The following NAV3 variants were observed in gnomAD, a reference collection of about 807,000 sequenced individuals.
NAV3 encodes the protein pore membrane and/or filament interacting like protein 1.
NAV3 carries 87 observed loss-of-function variants against 244.7 expected under a neutral mutation model. The ratio of observed to expected loss-of-function variants is 0.36; its 90% CI spans 0.30 to 0.42. The LOEUF (loss-of-function observed/expected upper bound fraction) is 0.42. NAV3 is among the 20% of genes least tolerant of loss of function. The probability of loss-of-function intolerance (pLI) is 1.00; values close to 1 mark genes in which losing one functional copy is unlikely to be tolerated. For synonymous variants in NAV3, 1,126 were observed against 1,042.2 expected (o/e 1.08, Z -1.55); for missense variants, 2,663 against 2,893.3 (o/e 0.92, Z 1.83).
intron 1 of NAV3, among the ~76,000 whole-genome samples, chr12:77,914,730 A>G (rs1423731339): frequency 6.6e-6 from 1 of 152,004 alleles, no homozygotes; most frequent in Non-Finnish European, 1.5e-5. Context: ...AATAGCTTGT[A>G]AAAATCAATT....
intron 1 of NAV3, among the ~76,000 whole-genome samples, chr12:77,840,312 C>T (rs562087420): frequency 1.3e-5 from 2 of 152,032 alleles, no homozygotes; most frequent in Non-Finnish European, 2.9e-5. Flanking sequence ...TTACTCTGTA[C>T]AGAATGGAAG....
At chr12:77,771,466 C>T (rs1192912338) in intron 2 of NAV3, among the ~76,000 whole-genome samples, 2 of 152,108 alleles carry the variant, frequency 1.3e-5, no homozygotes, top group Non-Finnish European at 2.9e-5. Context: ...CATGCACATG[C>T]ATGTTTATTG....
intron 1 of NAV3, among the ~76,000 whole-genome samples, chr12:77,877,006 CA>C (rs1202323986): frequency 1.3e-5 from 2 of 152,016 alleles, no homozygotes; most frequent in Non-Finnish European, 2.9e-5. Flanking sequence ...AATCATACCA[CA>C]AAACATTGTA....
At chr12:77,717,537 T>C (rs927594182) in intron 2 of NAV3, among the ~76,000 whole-genome samples, 4 of 152,140 alleles carry the variant, frequency 2.6e-5, no homozygotes, top group African/African-American at 9.6e-5. Context: ...TGGACATTTA[T>C]GTTGTTTACA....
At chr12:77,755,568 C>CTTTCT (rs1869104519) in intron 2 of NAV3, among the ~76,000 whole-genome samples, 1 of 49,292 alleles carries the variant, frequency 2.0e-5, no homozygotes, top group African/African-American at 1.4e-4. Flanking sequence ...CTTTCCTTTC[C>CTTTCT]TTTCCTTTCC....
At chr12:77,996,069 T>A (rs1872302644) in intron 6 of NAV3, among the ~76,000 whole-genome samples, 1 of 152,194 alleles carries the variant, frequency 6.6e-6, no homozygotes, top group African/African-American at 2.4e-5. Context: ...GGACTGAAGA[T>A]CATTTGACTT....
intron 1 of NAV3, among the ~76,000 whole-genome samples, chr12:77,930,705 C>G (rs1888699559): frequency 6.6e-6 from 1 of 152,164 alleles, no homozygotes. Context: ...ATTATTTTCA[C>G]TTCTGATAGC....
chr12:78,135,199 A>T (rs187578030), intron 18 of NAV3, among the ~76,000 whole-genome samples: 149 of 152,268 alleles, frequency 9.8e-4, no homozygotes, highest in African/African-American at 3.5e-3. Context: ...TTACATATTA[A>T]CTTTTCTCCT....
chr12:77,922,833 T>C (rs1593008573), intron 1 of NAV3, among the ~76,000 whole-genome samples: 1 of 152,170 alleles, frequency 6.6e-6, no homozygotes, highest in African/African-American at 2.4e-5. Flanking sequence ...AAATCAATTT[T>C]AATTTTATGA....
intron 39 of NAV3, among the ~76,000 whole-genome samples, chr12:78,207,317 T>C (rs1466327346): frequency 6.6e-6 from 1 of 152,168 alleles, no homozygotes; most frequent in Non-Finnish European, 1.5e-5. Context: ...TATCTCACAT[T>C]ATTTTAAAAA....
intron 2 of NAV3, among the ~76,000 whole-genome samples, chr12:77,801,231 C>A (rs890702423): frequency 1.3e-5 from 2 of 152,036 alleles, no homozygotes; most frequent in Admixed American, 1.3e-4. Flanking sequence ...AGAAATTGCT[C>A]AATTAATATT....
At chr12:77,755,051 G>C (rs1041385445) in intron 2 of NAV3, among the ~76,000 whole-genome samples, 2 of 152,062 alleles carry the variant, frequency 1.3e-5, no homozygotes, top group Non-Finnish European at 2.9e-5. Flanking sequence ...TTCCAAACCT[G>C]AATAATTTAA....
intron 2 of NAV3, among the ~76,000 whole-genome samples, chr12:77,755,931 C>T (rs1443818152): frequency 6.6e-6 from 1 of 151,968 alleles, no homozygotes; most frequent in East Asian, 1.9e-4. Context: ...GATAAGATGT[C>T]ACTTTAAATA....
chr12:77,865,983 TAA>T (rs1879957797), intron 1 of NAV3, among the ~76,000 whole-genome samples: 1 of 138,200 alleles, frequency 7.2e-6, no homozygotes, highest in Non-Finnish European at 1.6e-5. Flanking sequence ...CCTCACATTA[TAA>T]GTTTTTTTTC....
intron 24 of NAV3, among the ~76,000 whole-genome samples, chr12:78,172,511 ACCCAAAC>A (rs1958047538): frequency 6.6e-6 from 1 of 151,596 alleles, no homozygotes; most frequent in South Asian, 2.1e-4. Flanking sequence ...GAACATGTAT[ACCCAAAC>A]AGTTATAAGT....
intron 5 of NAV3, 24 bp downstream of exon 5, chr12:77,968,726 T>C (rs746515501): frequency 6.2e-7 from 1 of 1,601,010 alleles, no homozygotes; most frequent in Admixed American, 1.7e-5. Flanking sequence ...GTAGGGAATG[T>C]GTTTCCAATT....
chr12:78,014,119 G>T (rs747075250), intron 8 of NAV3, among the ~76,000 whole-genome samples: 2 of 151,762 alleles, frequency 1.3e-5, no homozygotes, highest in Non-Finnish European at 2.9e-5. Context: ...TATAATAATT[G>T]GTTAATTACA....
intron 2 of NAV3, among the ~76,000 whole-genome samples, chr12:77,630,248 C>T (rs1871828564): frequency 6.6e-6 from 1 of 152,064 alleles, no homozygotes; most frequent in Non-Finnish European, 1.5e-5. Context: ...TGAGGAACCT[C>T]CTAATTCAGT....
In NAV3 at chr12:78,122,383, G is replaced by A. The variant is rs1955711851; in HGVS notation, c.4193G>A (p.Ser1398Asn). The change falls in exon 16 of 40, where the codon AGC (serine) becomes AAC (asparagine). Residue 1398 changes from serine to asparagine, a missense_variant. Ser to Asn is a conservative substitution (Grantham distance 46, BLOSUM62 1). Transcript: ENST00000397909. ...ACCACAGGCACTCACGAGGTCCAGA[G>A]CCTGCTCATGAGAACGGGTAGTGTG... is the stretch of plus-strand genomic sequence containing the variant. The part of the protein sequence containing the change: ...GLTTGTHEVQ[S>N]LLMRTGSVRS... 3 of 1,612,762 alleles carry A rather than the reference G, an allele frequency of 1.9e-6. No homozygotes were observed. Among genetic ancestry groups the A allele is most frequent in the East Asian group, 2.2e-5 (1 of 44,870 alleles).
Sources: allele counts gnomAD v4.1 joint callset (sites outside exome capture counted in the v4.1 genomes callset), GRCh38; gene constraint gnomAD v4.1.1; transcripts MANE v1.5; gene names NCBI Gene and HGNC (gene_info 2026-07-23, HGNC 2026-07-21).